PPIL2: variants seen among roughly 807,000 people sequenced by gnomAD.
PPIL2 encodes peptidylprolyl isomerase like 2.
Under a neutral mutation model 75.2 loss-of-function variants are expected in PPIL2, and 50 were observed. That is an observed-to-expected ratio of 0.66 (90% CI 0.53 to 0.84). The LOEUF is 0.84. Among genes scored for constraint, PPIL2 ranks in the 40% least tolerant of loss-of-function variants. The pLI, the probability that PPIL2 is intolerant of heterozygous loss-of-function variation, is 0.00. For synonymous variants in PPIL2, 245 were observed against 258.8 expected (o/e 0.95, Z 0.51); for missense variants, 590 against 685.0 (o/e 0.86, Z 1.55).
At chr22:21,679,446 C>A (rs2067012052) in intron 6 of PPIL2, among the ~76,000 whole-genome samples, 1 of 145,254 alleles carries the variant, frequency 6.9e-6, no homozygotes, top group Admixed American at 7.3e-5. Flanking sequence ...CAAAATGAAA[C>A]CTAAAAATTA....
intron 16 of PPIL2, 145 bp from the exon 17 acceptor site, chr22:21,694,448 C>T (rs1208224676): frequency 1.2e-6 from 1 of 817,486 alleles, no homozygotes; most frequent in Non-Finnish European, 2.0e-6. Flanking sequence ...CTTGCCACTC[C>T]CTCTCATCGC....
chr22:21,697,359 CTG>C lies in PPIL2; in HGVS notation c.*1871_*1872del, dbSNP rs1265512110. On this transcript the variant is annotated 3_prime_UTR_variant, in exon 20 of 20. Transcript: ENST00000398831. ...AGACACCCTGGCTGGCCCTGACTGA[CTG>C]TATTCTCTGGCCACATTCAAGTCCC... is the stretch of plus-strand genomic sequence containing the variant. The C allele has an allele frequency of 3.2e-5, 8 of 249,588 alleles. No homozygotes were observed. The highest frequency in any genetic ancestry group is 1.0e-4 in the East Asian group (1 of 9,938). The allele number at this position is 249,588 out of a possible 1,614,324, so 15.5% of individuals were successfully genotyped here.
chr22:21,669,454 G>A (rs1433684019), intron 1 of PPIL2: 1 of 410,122 alleles, frequency 2.4e-6, no homozygotes. Flanking sequence ...TGGTCTCCAT[G>A]TCTGTTGTGT....
At chr22:21,671,144 G>A (rs1404865066) in intron 4 of PPIL2, 85 bp downstream of exon 4, 8 of 1,316,648 alleles carry the variant, frequency 6.1e-6, no homozygotes, top group Non-Finnish European at 8.8e-6. Flanking sequence ...CCCTTGGGTA[G>A]GGCTCTTGGG....
Position 21,696,124 on chromosome 22 carries a change from T to C in PPIL2, c.*634T>C. 1 of 995,098 alleles carries C rather than the reference T, an allele frequency of 1.0e-6. No individual in the cohort carries two copies. The highest frequency in any genetic ancestry group is 1.2e-6 in the Non-Finnish European group (1 of 834,140). The allele number at this position is 995,098 out of a possible 1,614,324, so 61.6% of individuals were successfully genotyped here. Reference sequence around the variant, plus strand: ...CCCAGACTTACTGAGCCTAAGCCTCTGCAGGGTGGGCTTCTCGGTCTGTTT... The same window carrying C: ...CCCAGACTTACTGAGCCTAAGCCTCCGCAGGGTGGGCTTCTCGGTCTGTTT... On this transcript the variant is annotated 3_prime_UTR_variant, in exon 20 of 20. Coordinates refer to ENST00000398831, the MANE Select transcript of PPIL2 (RefSeq NM_014337.4).
At chr22:21,686,784 C>A in intron 11 of PPIL2, 108 bp from the exon 12 acceptor site, 1 of 1,190,756 alleles carries the variant, frequency 8.4e-7, no homozygotes, top group Non-Finnish European at 1.2e-6. Flanking sequence ...CTGCTCTCCC[C>A]AGAGCTGGAG....
At chr22:21,678,511 G>A (rs2066971244) in intron 6 of PPIL2, among the ~76,000 whole-genome samples, 1 of 152,020 alleles carries the variant, frequency 6.6e-6, no homozygotes, top group African/African-American at 2.4e-5. Context: ...GATTACAGGC[G>A]TGAGCCACTG....
chr22:21,666,164 A>C, intron 1 of PPIL2, 33 bp downstream of exon 1: 1 of 1,594,082 alleles, frequency 6.3e-7, no homozygotes, highest in Non-Finnish European at 8.6e-7. Context: ...GCGGCGCTCC[A>C]CTCTGCCTCA....
chr22:21,667,027 C>T (rs2066414808), intron 1 of PPIL2, among the ~76,000 whole-genome samples: 1 of 151,974 alleles, frequency 6.6e-6, no homozygotes, highest in Non-Finnish European at 1.5e-5. Flanking sequence ...CTCCCTCTTT[C>T]TGAAGCCCTC....
chr22:21,676,089 C>T (rs1310762376), intron 6 of PPIL2, among the ~76,000 whole-genome samples: 1 of 152,190 alleles, frequency 6.6e-6, no homozygotes, highest in African/African-American at 2.4e-5. Context: ...GGCCCTTTTG[C>T]CCCGCTTGTC....
Position 21,670,578 on chromosome 22 carries a change from C to A in PPIL2, c.95C>A (p.Thr32Lys). 1 of 1,611,278 alleles carries A rather than the reference C, an allele frequency of 6.2e-7. No homozygotes were observed. Among genetic ancestry groups the A allele is most frequent in the Non-Finnish European group, 8.5e-7 (1 of 1,177,440 alleles). ...YGGKKPDLPQTNFRRLPFDHC... is the reference protein window; with the variant it reads ...YGGKKPDLPQKNFRRLPFDHC... The stretch of plus-strand genomic sequence containing the variant: ...CATTTTTAAACAGATCTCCCACAAA[C>A]AAATTTTCGTCGTTTACCTTTTGAC... Residue 32 changes from threonine to lysine, a missense_variant, in exon 3 of 20, where the codon ACA becomes AAA. Coordinates refer to ENST00000398831, the MANE Select transcript of PPIL2 (RefSeq NM_014337.4).
chr22:21,669,491 A>T, intron 1 of PPIL2: 1 of 361,362 alleles, frequency 2.8e-6, no homozygotes, highest in Non-Finnish European at 5.5e-6. Context: ...GACATATAGT[A>T]GGTGTTTTTT....
In PPIL2 at chr22:21,671,057, A is replaced by T; in HGVS notation, c.189A>T (p.Leu63Phe). Residue 63 changes from leucine to phenylalanine, a missense_variant and splice_region_variant, in exon 4 of 20, where the codon TTA becomes TTT. By Grantham distance (22) the Leu-to-Phe change is conservative. Transcript: ENST00000398831. ...CTCCCGATGGCATCGTCTTTGACTT[A>T]CTGTGAGTTTTTCCTTGAATTTTGA... is the stretch of plus-strand genomic sequence containing the variant. The part of the protein sequence containing the change: ...VCTPDGIVFD[L>F]LNIVPWLKKY... The T allele has an allele frequency of 6.2e-7, 1 of 1,609,124 alleles. No individual in the cohort carries two copies. The highest frequency in any genetic ancestry group is 8.5e-7 in the Non-Finnish European group (1 of 1,175,410).
At position 21,696,201 on chromosome 22, in the gene PPIL2, T is replaced by C. The variant is rs2067921841; in HGVS notation, c.*711T>C. 1.0e-6 allele frequency: 1 copy of C among 1,001,426 alleles called. No individual in the cohort carries two copies. The highest frequency in any genetic ancestry group is 4.2e-5 in the South Asian group (1 of 23,606). The allele number at this position is 1,001,426 out of a possible 1,614,324, so 62.0% of individuals were successfully genotyped here. A position where few individuals can be genotyped will look rare whatever the true frequency, so the allele number is the denominator to read the frequency against. On this transcript the variant is annotated 3_prime_UTR_variant, in exon 20 of 20. Transcript: ENST00000398831. ...GCTGGTGTTGGACGGCAGCATTGAGTTTCCTGCCGTGCCCTGCCTGAGCTC... is the reference window on the plus strand; with the variant it reads ...GCTGGTGTTGGACGGCAGCATTGAGCTTCCTGCCGTGCCCTGCCTGAGCTC...
rs189896530 is a variant in PPIL2 at position 21,693,884 on chromosome 22, G to A, written c.1196+12G>A. On this transcript the variant is annotated intron_variant, in intron 16 of 19. Coordinates refer to ENST00000398831, the MANE Select transcript of PPIL2 (RefSeq NM_014337.4). Reference sequence around the variant, plus strand: ...ACCATCTTTGGACGGTAAGGGAAGCGGCTGTGTGAAGCCTGGGGGGTCAGT... The same window carrying A: ...ACCATCTTTGGACGGTAAGGGAAGCAGCTGTGTGAAGCCTGGGGGGTCAGT... The A allele has an allele frequency of 1.8e-5, 28 of 1,533,278 alleles. No individual in the cohort carries two copies. The African/African-American group carries it at 2.6e-4, about 14-fold the overall frequency. The allele number at this position is 1,533,278 out of a possible 1,614,324, so 95.0% of individuals were successfully genotyped here. A position where few individuals can be genotyped will look rare whatever the true frequency, so the allele number is the denominator to read the frequency against.
At chr22:21,672,417 G>A in intron 5 of PPIL2, 36 bp downstream of exon 5, 1 of 1,558,070 alleles carries the variant, frequency 6.4e-7, no homozygotes, top group Non-Finnish European at 8.9e-7. Flanking sequence ...TGATGCTAGT[G>A]AATGCTATCC....
At chr22:21,688,017 G>C (rs2067448481) in intron 13 of PPIL2, 56 bp from the exon 14 acceptor site, 2 of 1,610,786 alleles carry the variant, frequency 1.2e-6, no homozygotes, top group Admixed American at 3.3e-5. Flanking sequence ...CAGTCAGGCA[G>C]GCGGTGGGCC....
At chr22:21,698,859 C>G (rs1234306058), downstream of PPIL2, 1 of 152,522 alleles carries the variant, frequency 6.6e-6, no homozygotes, top group Non-Finnish European at 1.5e-5. Flanking sequence ...CAGCCTAAAC[C>G]CTCGGGGGAG....
At chr22:21,684,545 A>T (rs1226970473) in intron 9 of PPIL2, among the ~76,000 whole-genome samples, 1 of 152,046 alleles carries the variant, frequency 6.6e-6, no homozygotes, top group Non-Finnish European at 1.5e-5. Context: ...ATACAAATCA[A>T]CCTGAAGTCC....
Sources: allele counts gnomAD v4.1 joint callset (sites outside exome capture counted in the v4.1 genomes callset), GRCh38; gene constraint gnomAD v4.1.1; transcripts MANE v1.5; gene names NCBI Gene and HGNC (gene_info 2026-07-23, HGNC 2026-07-21).